The following PMEPA1 variants were observed in gnomAD, a reference collection of about 807,000 sequenced individuals.
PMEPA1 encodes the protein prostate transmembrane protein, androgen induced 1, also known as protein TMEPAI.
A neutral mutation model predicts 23.0 loss-of-function variants in PMEPA1; 11 were observed. The observed-to-expected ratio is 0.48, with a 90% CI of 0.30 to 0.79. The LOEUF is 0.79. PMEPA1 is among the 30% of genes least tolerant of loss of function. The pLI, the probability that PMEPA1 is intolerant of heterozygous loss-of-function variation, is 0.06. For synonymous variants in PMEPA1, 204 were observed against 166.4 expected (o/e 1.23, Z -1.74); for missense variants, 377 against 390.9 (o/e 0.96, Z 0.30).
Position 57,652,646 on chromosome 20 carries a change from G to A in PMEPA1, c.319-48C>T, listed in dbSNP as rs889765562. On this transcript the variant is annotated intron_variant, in intron 3 of 3. Transcript: ENST00000341744. This position sits in a 1 kb window ranked among gnomAD's most constrained non-coding sequence, Gnocchi z 6.1. ...GAGGGAGGGCGGCTGTCTCAGGTGG[G>A]TTGTCCAGAAGCGATCCTGAGACTG... The A allele has an allele frequency of 2.1e-6, 3 of 1,397,882 alleles. No homozygotes were observed. The African/African-American group carries it at 4.4e-5, about 20-fold the overall frequency. The allele number at this position is 1,397,882 out of a possible 1,614,324, so 86.6% of individuals were successfully genotyped here.
intron 1 of PMEPA1, among the ~76,000 whole-genome samples, chr20:57,709,118 G>A (rs973353601): frequency 5.9e-5 from 9 of 151,850 alleles, no homozygotes; most frequent in Non-Finnish European, 1.2e-4. Context: ...ATAAAGAGCC[G>A]GCCTAAATGC....
intron 1 of PMEPA1, among the ~76,000 whole-genome samples, chr20:57,669,765 G>A (rs371115828): frequency 1.3e-5 from 2 of 152,326 alleles, no homozygotes; most frequent in South Asian, 4.1e-4. Flanking sequence ...ACTGCCAGCT[G>A]TGGGTCCCTC....
chr20:57,662,932 T>G (rs2071443686), intron 1 of PMEPA1, among the ~76,000 whole-genome samples: 2 of 151,740 alleles, frequency 1.3e-5, no homozygotes, highest in African/African-American at 4.8e-5. Context: ...GCAGGGGCAA[T>G]GGAGGAGGCC....
At chr20:57,684,075 T>C (rs942705571) in intron 1 of PMEPA1, among the ~76,000 whole-genome samples, 2 of 152,204 alleles carry the variant, frequency 1.3e-5, no homozygotes, top group Non-Finnish European at 2.9e-5. Flanking sequence ...TCGCTTCATC[T>C]GGCAGAAATG....
chr20:57,660,200 G>A (rs2071394006), intron 1 of PMEPA1, among the ~76,000 whole-genome samples: 2 of 152,076 alleles, frequency 1.3e-5, no homozygotes, highest in African/African-American at 2.4e-5. Flanking sequence ...TGCGGAGAGA[G>A]GAAGTTGGCA....
Position 57,682,741 on chromosome 20 carries a change from G to GGAAA in PMEPA1, c.110-23048_110-23045dup, listed in dbSNP as rs1568977232. On this transcript the variant is annotated intron_variant, in intron 1 of 3. Transcript: ENST00000341744. This position sits in a 1 kb window ranked among gnomAD's most constrained non-coding sequence, Gnocchi z 4.4. ...CAGAAACCAACTCCTCCTGGAGGAAGGAAAGTTCAATGGATGAGCTATAAA... is the reference window on the plus strand; with the variant it reads ...CAGAAACCAACTCCTCCTGGAGGAAGGAAAGAAAGTTCAATGGATGAGCTATAAA... Among the ~76,000 whole-genome samples the GGAAA allele has an allele frequency of 2.0e-5, 3 of 152,266 alleles. No individual in the cohort carries two copies. The highest frequency in any genetic ancestry group is 6.5e-5 in the Admixed American group (1 of 15,288).
chr20:57,709,884 C>G lies in PMEPA1; in HGVS notation c.-302G>C. 1.0e-6 allele frequency: 1 copy of G among 1,004,098 alleles called. No individual in the cohort carries two copies. Among genetic ancestry groups the G allele is most frequent in the Non-Finnish European group, 1.2e-6 (1 of 845,348 alleles). The allele number at this position is 1,004,098 out of a possible 1,614,324, so 62.2% of individuals were successfully genotyped here. ...GGCGCGCGCTGCCGCCGGGGCTGAG[C>G]CTCTGCCGCTAGCTTTCCCCAGCCG... On this transcript the variant is annotated 5_prime_UTR_variant, in exon 1 of 4. Transcript: ENST00000341744.
intron 1 of PMEPA1, among the ~76,000 whole-genome samples, chr20:57,701,602 C>A (rs1226778871): frequency 2.6e-5 from 4 of 152,130 alleles, no homozygotes; most frequent in African/African-American, 9.7e-5. Context: ...TTCCTGCCCC[C>A]AATAGTGGAA....
At chr20:57,698,659 C>T (rs758193731) in intron 1 of PMEPA1, among the ~76,000 whole-genome samples, 1 of 152,162 alleles carries the variant, frequency 6.6e-6, no homozygotes, top group East Asian at 1.9e-4. Context: ...CAGCTCAGCC[C>T]GGTGAGGGGA....
chr20:57,672,995 C>T (rs1028829090), intron 1 of PMEPA1, among the ~76,000 whole-genome samples: 4 of 152,166 alleles, frequency 2.6e-5, no homozygotes, highest in Admixed American at 6.5e-5. Flanking sequence ...GTACAATGAA[C>T]GGCACCTGGT....
At chr20:57,700,804 G>C (rs2072000962) in intron 1 of PMEPA1, among the ~76,000 whole-genome samples, 1 of 152,184 alleles carries the variant, frequency 6.6e-6, no homozygotes, top group Non-Finnish European at 1.5e-5. Context: ...GAGGCGGGCA[G>C]ATCACCGGAG....
chr20:57,698,814 GGC>G (rs772428944), intron 1 of PMEPA1, among the ~76,000 whole-genome samples: 4 of 151,430 alleles, frequency 2.6e-5, no homozygotes, highest in South Asian at 2.1e-4. Flanking sequence ...TACATATAGA[GGC>G]ACACACACAC....
intron 1 of PMEPA1, among the ~76,000 whole-genome samples, chr20:57,666,192 C>T (rs990729191): frequency 6.6e-6 from 1 of 152,110 alleles, no homozygotes; most frequent in Admixed American, 6.5e-5. Flanking sequence ...TCGTGTGCCT[C>T]GTTGGAGAGG....
chr20:57,689,949 G>A (rs973010269), intron 1 of PMEPA1, among the ~76,000 whole-genome samples: 6 of 152,216 alleles, frequency 3.9e-5, no homozygotes, highest in African/African-American at 1.2e-4. Context: ...TGCATCGCCC[G>A]GCAGCAGCCG....
Position 57,709,726 on chromosome 20 carries a change from G to A in PMEPA1, c.-144C>T. Reference sequence around the variant, plus strand: ...CCCGGCTCGCCGGGCTCGGGTCGCCGCCAAGTTCCCGGGGCGCCGCGGGGC... The same window carrying A: ...CCCGGCTCGCCGGGCTCGGGTCGCCACCAAGTTCCCGGGGCGCCGCGGGGC... On this transcript the variant is annotated 5_prime_UTR_variant, in exon 1 of 4. Coordinates refer to ENST00000341744, the MANE Select transcript of PMEPA1 (RefSeq NM_020182.5). 1.0e-6 allele frequency: 1 copy of A among 978,862 alleles called. No homozygotes were observed. Among genetic ancestry groups the A allele is most frequent in the Non-Finnish European group, 1.2e-6 (1 of 827,244 alleles). The allele number at this position is 978,862 out of a possible 1,614,324, so 60.6% of individuals were successfully genotyped here.
chr20:57,662,600 G>A (rs2071436885), intron 1 of PMEPA1, among the ~76,000 whole-genome samples: 1 of 152,216 alleles, frequency 6.6e-6, no homozygotes, highest in Non-Finnish European at 1.5e-5. Context: ...CAGGTCCAGG[G>A]CCGGGGCAGC....
chr20:57,702,778 T>C (rs1458699836), intron 1 of PMEPA1, among the ~76,000 whole-genome samples: 2 of 152,234 alleles, frequency 1.3e-5, no homozygotes. Flanking sequence ...TCAGGGTTGT[T>C]TTGAACACTG....
Position 57,652,981 on chromosome 20 carries a change from G to T in PMEPA1, c.318+52C>A. The T allele has an allele frequency of 4.1e-6, 6 of 1,465,112 alleles. 1 individual carries two copies. In the South Asian group the frequency reaches 7.2e-5, roughly 18 times the overall value. 90.8% of individuals were successfully genotyped at this position (1,465,112 alleles called of 1,614,324 possible). A position where few individuals can be genotyped will look rare whatever the true frequency, so the allele number is the denominator to read the frequency against. ...CCACACTGTTCCAGCCGCAGCGGGA[G>T]CAGCCCAGGGTGGGATGGGGGTGTT... On this transcript the variant is annotated intron_variant, in intron 3 of 3. Transcript: ENST00000341744. The surrounding 1 kb of genome is among the most constrained non-coding windows in gnomAD (Gnocchi z 6.1).
At chr20:57,689,047 T>C (rs1336715764) in intron 1 of PMEPA1, among the ~76,000 whole-genome samples, 2 of 152,230 alleles carry the variant, frequency 1.3e-5, no homozygotes, top group Admixed American at 6.5e-5. Context: ...ATTTAGACGG[T>C]GTCAGCTAAA....
Sources: allele counts gnomAD v4.1 joint callset (sites outside exome capture counted in the v4.1 genomes callset), GRCh38; gene constraint gnomAD v4.1.1; non-coding constraint Gnocchi (gnomAD v3.1); transcripts MANE v1.5; gene names NCBI Gene and HGNC (gene_info 2026-07-23, HGNC 2026-07-21).